PKP2: variants seen among roughly 807,000 people sequenced by gnomAD.
The protein encoded by PKP2 is plakophilin-2.
A neutral mutation model predicts 83.4 loss-of-function variants in PKP2; 73 were observed. The ratio of observed to expected loss-of-function variants is 0.88; its 90% CI spans 0.72 to 1.06. The LOEUF is 1.06. Among genes scored for constraint, PKP2 ranks in the 50% least tolerant of loss-of-function variants. PKP2 has a pLI of 0.00. For synonymous variants in PKP2, 409 were observed against 430.4 expected (o/e 0.95, Z 0.62); for missense variants, 966 against 1,065.4 (o/e 0.91, Z 1.30).
At chr12:32,844,108 G>A (rs1956625164) in intron 5 of PKP2, among the ~76,000 whole-genome samples, 1 of 152,176 alleles carries the variant, frequency 6.6e-6, no homozygotes, top group Non-Finnish European at 1.5e-5. Context: ...TTTAGAGCTT[G>A]CCATGCTCCA....
intron 1 of PKP2, 137 bp downstream of exon 1, chr12:32,896,372 C>T: frequency 1.6e-6 from 1 of 612,652 alleles, no homozygotes; most frequent in South Asian, 2.3e-5. Flanking sequence ...GCAAGTCGGT[C>T]ATACCGAAGA....
intron 1 of PKP2, among the ~76,000 whole-genome samples, chr12:32,883,741 A>G (rs2137969022): frequency 6.6e-6 from 1 of 152,304 alleles, no homozygotes; most frequent in African/African-American, 2.4e-5. Flanking sequence ...ATGTGTCTGG[A>G]CAAATCAGTT....
intron 3 of PKP2, among the ~76,000 whole-genome samples, chr12:32,874,215 T>TC (rs947997415): frequency 2.6e-4 from 39 of 151,756 alleles, no homozygotes; most frequent in East Asian, 9.7e-4. Flanking sequence ...AAAACTTAAA[T>TC]CCCCCCCAAA....
At position 32,878,113 on chromosome 12, in the gene PKP2, A is replaced by G. The variant is rs759331787; in HGVS notation, c.767T>C (p.Leu256Ser). The stretch of plus-strand genomic sequence containing the variant: ...TGCCGTCAGGTAGTTCTCCTTCTCC[A>G]AGAGGTTGCCCATGCTGCGGCTGGT... Reference protein sequence around the residue: ...PGTSRSMGNLLEKENYLTAGL... With the variant: ...PGTSRSMGNLSEKENYLTAGL... Residue 256 changes from leucine to serine, a missense_variant, in exon 3 of 13, where the codon TTG (leucine) becomes TCG (serine). Coordinates refer to ENST00000340811, the MANE Select transcript of PKP2 (RefSeq NM_001005242.3). The G allele has an allele frequency of 9.3e-6, 15 of 1,614,206 alleles. No individual in the cohort carries two copies. The highest frequency in any genetic ancestry group is 1.3e-5 in the Non-Finnish European group (15 of 1,180,030).
At chr12:32,881,435 A>G (rs1204624899) in intron 1 of PKP2, among the ~76,000 whole-genome samples, 1 of 152,120 alleles carries the variant, frequency 6.6e-6, no homozygotes, top group Non-Finnish European at 1.5e-5. Context: ...TTTTTTCTAT[A>G]AATTTTATTA....
At chr12:32,823,442 G>A (rs1956402889) in intron 7 of PKP2, among the ~76,000 whole-genome samples, 3 of 139,022 alleles carry the variant, frequency 2.2e-5, no homozygotes, top group African/African-American at 2.8e-5. Context: ...AAAAAAAAAA[G>A]GATTATAAAA....
At chr12:32,798,120 T>C (rs1010291231) in intron 10 of PKP2, among the ~76,000 whole-genome samples, 35 of 147,736 alleles carry the variant, frequency 2.4e-4, no homozygotes, top group African/African-American at 7.5e-4. Context: ...GTTTCGCTCT[T>C]GTTGCCCAGG....
At chr12:32,834,947 T>C (rs1007635529) in intron 6 of PKP2, among the ~76,000 whole-genome samples, 26 of 117,128 alleles carry the variant, frequency 2.2e-4, no homozygotes, top group African/African-American at 8.3e-4. Context: ...TCACACTAAA[T>C]TAAAAAAAAA....
In PKP2 at chr12:32,891,390, G is replaced by A. The variant is rs1487053886; in HGVS notation, c.223+5119C>T. Among the ~76,000 whole-genome samples the A allele has an allele frequency of 4.6e-5, 7 of 151,932 alleles. No homozygotes were observed. In the South Asian group the frequency reaches 1.2e-3, roughly 27 times the overall value. On this transcript the variant is annotated intron_variant, in intron 1 of 12. Coordinates refer to ENST00000340811, the MANE Select transcript of PKP2 (RefSeq NM_001005242.3). ...TGCCAATAATATGCTTGTTCTCTCA[G>A]AGAAAAAAAATCAAAACTTTTAATA... is the stretch of plus-strand genomic sequence containing the variant.
rs950311651 is a variant in PKP2 at position 32,842,330 on chromosome 12, C to A, written c.1379-1125G>T. On this transcript the variant is annotated intron_variant, in intron 5 of 12. Transcript: ENST00000340811. ...TGATCTCGGTTCATTGCAATCTCCA[C>A]CTCCCAGGTTCAAGCAATGCTCCTG... Among the ~76,000 whole-genome samples, 8 of 152,106 alleles carry A rather than the reference C, an allele frequency of 5.3e-5. 1 individual carries two copies. The highest frequency in any genetic ancestry group is 2.0e-4 in the Admixed American group (3 of 15,276).
intron 3 of PKP2, among the ~76,000 whole-genome samples, chr12:32,870,206 G>T (rs1054262256): frequency 1.3e-5 from 2 of 152,128 alleles, no homozygotes; most frequent in African/African-American, 4.8e-5. Flanking sequence ...CAAGCATAGT[G>T]AGTAAATACT....
In PKP2 at chr12:32,824,115, C is replaced by T. The variant is rs1956409874; in HGVS notation, c.1604G>A (p.Cys535Tyr). 1 of 1,613,492 alleles carries T rather than the reference C, an allele frequency of 6.2e-7. No individual in the cohort carries two copies. Among genetic ancestry groups the T allele is most frequent in the Non-Finnish European group, 8.5e-7 (1 of 1,179,728 alleles). Residue 535 changes from cysteine to tyrosine, a missense_variant, in exon 7 of 13, where the codon TGT becomes TAT. Cys to Tyr is a radical substitution (Grantham distance 194). Transcript: ENST00000340811. ...GADGRKAMRR[C>Y]DGLIDSLVHY... ...GACCAGTGAGTCAATGAGTCCGTCA[C>T]ATCTTCTCATCGCTTTTCTCCCATC... is the stretch of plus-strand genomic sequence containing the variant.
chr12:32,827,919 A>T (rs1300656964), intron 6 of PKP2, among the ~76,000 whole-genome samples: 2 of 152,242 alleles, frequency 1.3e-5, no homozygotes, highest in African/African-American at 4.8e-5. Flanking sequence ...AAGAAAACTA[A>T]AACTGCATAC....
In PKP2 at chr12:32,869,585, C is replaced by T. The variant is rs375129868; in HGVS notation, c.1035-523G>A. 1.3e-3 allele frequency among the ~76,000 whole-genome samples: 190 copies of T among 144,156 alleles called. 1 individual carries two copies. The highest frequency in any genetic ancestry group is 4.3e-3 in the African/African-American group (169 of 38,896). The allele number at this position is 144,156 out of a possible 152,430, so 94.6% of individuals were successfully genotyped here. On this transcript the variant is annotated intron_variant, in intron 3 of 12. Coordinates refer to ENST00000340811, the MANE Select transcript of PKP2 (RefSeq NM_001005242.3). ...CTTCACTCCAGTCTAGGAGGAAAAA[C>T]GAGACTGCATCTCAAAAAAAAAAAA...
chr12:32,851,218 A>G (rs1201942081), intron 4 of PKP2, among the ~76,000 whole-genome samples: 2 of 152,318 alleles, frequency 1.3e-5, no homozygotes, highest in Middle Eastern at 3.4e-3. Flanking sequence ...GAAGGGGAAG[A>G]TTAAGTGATA....
chr12:32,822,721 G>A (rs1167155084), intron 7 of PKP2, 90 bp from the exon 8 acceptor site: 12 of 1,424,426 alleles, frequency 8.4e-6, no homozygotes, highest in Non-Finnish European at 2.0e-6. Flanking sequence ...GCTCTTACAA[G>A]GTTTACCAGA....
At chr12:32,807,000 T>C (rs1049220322) in intron 9 of PKP2, among the ~76,000 whole-genome samples, 2 of 152,342 alleles carry the variant, frequency 1.3e-5, no homozygotes, top group Middle Eastern at 3.4e-3. Flanking sequence ...TCAATTTCTA[T>C]GTACTTGTGT....
chr12:32,892,029 G>A (rs144584782), intron 1 of PKP2, among the ~76,000 whole-genome samples: 470 of 152,172 alleles, frequency 3.1e-3, no homozygotes, highest in African/African-American at 0.011. Flanking sequence ...AGACACAGAG[G>A]TGCATTTAAT....
At chr12:32,852,490 A>C (rs886338304) in intron 4 of PKP2, among the ~76,000 whole-genome samples, 2 of 152,214 alleles carry the variant, frequency 1.3e-5, no homozygotes, top group Non-Finnish European at 2.9e-5. Flanking sequence ...CACAACAATA[A>C]CAACCACAGT....
Sources: gnomAD v4.1 joint callset for allele counts (sites outside exome capture counted in the v4.1 genomes callset) on GRCh38, gnomAD v4.1.1 for gene constraint, MANE v1.5 for transcripts, NCBI Gene and HGNC (gene_info 2026-07-23, HGNC 2026-07-21) for gene names.